Variants in SDCCAG8 observed in about 807,000 individuals in gnomAD.
SDCCAG8 encodes the protein serologically defined colon cancer antigen 8.
In SDCCAG8, 74 loss-of-function variants were observed where a neutral mutation model predicts 101.8. The ratio of observed to expected loss-of-function variants is 0.73; its 90% CI spans 0.60 to 0.88. The LOEUF (loss-of-function observed/expected upper bound fraction) is 0.88. SDCCAG8 is among the 40% of genes least tolerant of loss of function. The probability of loss-of-function intolerance (pLI) is 0.00; values close to 1 mark genes in which losing one functional copy is unlikely to be tolerated. For missense variants in SDCCAG8, 787 were observed against 822.6 expected (o/e 0.96, Z 0.53); for synonymous variants, 281 against 292.9 (o/e 0.96, Z 0.41).
intron 1 of SDCCAG8, among the ~76,000 whole-genome samples, chr1:243,260,666 A>C (rs191207969): frequency 2.6e-5 from 4 of 152,178 alleles, no homozygotes; most frequent in Non-Finnish European, 5.9e-5. Flanking sequence ...TTTATCAACA[A>C]CACCTGTATA....
intron 16 of SDCCAG8, among the ~76,000 whole-genome samples, chr1:243,470,093 A>G (rs971996030): frequency 6.6e-6 from 1 of 152,130 alleles, no homozygotes; most frequent in Non-Finnish European, 1.5e-5. Context: ...GGTTAACAAC[A>G]CAAGGTCTAA....
intron 12 of SDCCAG8, among the ~76,000 whole-genome samples, chr1:243,372,816 G>A (rs1365833309): frequency 2.0e-5 from 3 of 151,028 alleles, no homozygotes; most frequent in East Asian, 1.9e-4. Context: ...GCCATATAGC[G>A]AGACTTTGTC....
At chr1:243,341,231 G>A (rs759706105) in intron 11 of SDCCAG8, 58 bp downstream of exon 11, 6 of 1,589,932 alleles carry the variant, frequency 3.8e-6, no homozygotes, top group Non-Finnish European at 5.2e-6. Context: ...TTTGAAAAAT[G>A]TTTTCCTAAT....
At chr1:243,326,275 C>T (rs1161968861) in intron 9 of SDCCAG8, among the ~76,000 whole-genome samples, 1 of 152,066 alleles carries the variant, frequency 6.6e-6, no homozygotes, top group African/African-American at 2.4e-5. Flanking sequence ...TTATGGGTTA[C>T]ATGTGATATT....
Position 243,401,605 on chromosome 1 carries a change from A to G in SDCCAG8, c.1617-14097A>G, listed in dbSNP as rs114997265. On this transcript the variant is annotated intron_variant, in intron 13 of 17. Coordinates refer to ENST00000366541, the MANE Select transcript of SDCCAG8 (RefSeq NM_006642.5). ...TTAGGAAGGAGTCTGTGACCCAGGT[A>G]CATAACTGAACATTTTAAAAATAAT... Among the ~76,000 whole-genome samples the G allele has an allele frequency of 6.0e-3, 911 of 152,354 alleles. 16 individuals carry two copies. Among genetic ancestry groups the G allele is most frequent in the African/African-American group, 0.02 (832 of 41,590 alleles).
chr1:243,344,179 CAGCAGGTAATCATCCAGTTT>C lies in SDCCAG8; in HGVS notation c.1357-35_1357-16del. 6.5e-7 allele frequency: 1 copy of C among 1,547,804 alleles called. No homozygotes were observed. The highest frequency in any genetic ancestry group is 8.9e-7 in the Non-Finnish European group (1 of 1,119,638). On this transcript the variant is annotated splice_polypyrimidine_tract_variant and intron_variant, in intron 11 of 17. Coordinates refer to ENST00000366541, the MANE Select transcript of SDCCAG8 (RefSeq NM_006642.5). ...ATTGCAGGCATTGCCTGGTAGATTC[CAGCAGGTAATCATCCAGTTT>C]TTTACAATCTAACAGGTGTGTGGAG...
chr1:243,313,991 GGGAC>G, intron 8 of SDCCAG8, among the ~76,000 whole-genome samples: 1 of 152,158 alleles, frequency 6.6e-6, no homozygotes, highest in Admixed American at 6.6e-5. Context: ...TTGAGGAGAG[GGGAC>G]TGCCAGCCCA....
chr1:243,309,987 C>T (rs1452323680), intron 8 of SDCCAG8, among the ~76,000 whole-genome samples: 1 of 152,102 alleles, frequency 6.6e-6, no homozygotes, highest in Non-Finnish European at 1.5e-5. Context: ...CCTCAGCCTC[C>T]CGAGTAGCTG....
At chr1:243,364,684 A>G (rs951010509) in intron 12 of SDCCAG8, among the ~76,000 whole-genome samples, 1 of 152,206 alleles carries the variant, frequency 6.6e-6, no homozygotes, top group Non-Finnish European at 1.5e-5. Context: ...GTTTCCTATA[A>G]AACAAAATCA....
intron 9 of SDCCAG8, chr1:243,318,110 T>C (rs1448603821): frequency 2.2e-6 from 1 of 456,052 alleles, no homozygotes; most frequent in African/African-American, 2.0e-5. Flanking sequence ...AATCTAAATG[T>C]TCATCACTGA....
chr1:243,363,979 C>T (rs183345130), intron 12 of SDCCAG8, among the ~76,000 whole-genome samples: 15 of 152,020 alleles, frequency 9.9e-5, no homozygotes, highest in African/African-American at 2.9e-4. Flanking sequence ...GAGTTAAAAC[C>T]AAGTTCAATA....
intron 13 of SDCCAG8, among the ~76,000 whole-genome samples, chr1:243,412,887 ATTTGAGGTTCCCT>A (rs2080282144): frequency 6.6e-6 from 1 of 151,920 alleles, no homozygotes; most frequent in Admixed American, 6.6e-5. Context: ...GATGAAACAC[ATTTGAGGTTCCCT>A]TTTAGTTCTA....
At chr1:243,388,698 CAAAA>C (rs11296139) in intron 13 of SDCCAG8, among the ~76,000 whole-genome samples, 5 of 134,326 alleles carry the variant, frequency 3.7e-5, no homozygotes, top group African/African-American at 5.6e-5. Flanking sequence ...CCAGCTCTAC[CAAAA>C]AAAAAAAAAA....
chr1:243,429,438 G>A (rs1337251449), intron 16 of SDCCAG8, among the ~76,000 whole-genome samples: 1 of 152,094 alleles, frequency 6.6e-6, no homozygotes, highest in Non-Finnish European at 1.5e-5. Context: ...GACTGTACAG[G>A]GGGTTGATGC....
At chr1:243,279,570 A>G (rs2068858775) in intron 4 of SDCCAG8, among the ~76,000 whole-genome samples, 1 of 152,266 alleles carries the variant, frequency 6.6e-6, no homozygotes, top group South Asian at 2.1e-4. Flanking sequence ...AAAAAATCAT[A>G]AGTCAAACCA....
chr1:243,415,564 G>C, intron 13 of SDCCAG8, 138 bp from the exon 14 acceptor site: 1 of 1,152,286 alleles, frequency 8.7e-7, no homozygotes, highest in Non-Finnish European at 1.3e-6. Context: ...TAAAGTGGGG[G>C]AGGGTCATTA....
At chr1:243,457,118 T>C (rs1473862054) in intron 16 of SDCCAG8, among the ~76,000 whole-genome samples, 1 of 152,230 alleles carries the variant, frequency 6.6e-6, no homozygotes, top group East Asian at 1.9e-4. Context: ...GATCTTTGAT[T>C]CTCTTTTGGT....
chr1:243,498,582 G>A (rs1668656572), intron 17 of SDCCAG8, among the ~76,000 whole-genome samples: 1 of 152,218 alleles, frequency 6.6e-6, no homozygotes, highest in Non-Finnish European at 1.5e-5. Context: ...GTTGTCCTCA[G>A]GGTCTCTCAC....
rs1662800823 is a variant in SDCCAG8, at chr1:243,478,213, G to A, written c.1986-10801G>A. On this transcript the variant is annotated intron_variant, in intron 16 of 17. Coordinates refer to ENST00000366541, the MANE Select transcript of SDCCAG8 (RefSeq NM_006642.5). ...CAAGTTTGACATGGAATAGAAGAAT[G>A]TCGGGCGTTTCAAAAAAGGATTTTG... Among the ~76,000 whole-genome samples, 4 of 152,188 alleles carry A rather than the reference G, an allele frequency of 2.6e-5. No individual in the cohort carries two copies. The South Asian group carries it at 8.3e-4, about 32-fold the overall frequency.
Sources: gnomAD v4.1 joint callset for allele counts (sites outside exome capture counted in the v4.1 genomes callset) on GRCh38, gnomAD v4.1.1 for gene constraint, MANE v1.5 for transcripts, NCBI Gene and HGNC (gene_info 2026-07-23, HGNC 2026-07-21) for gene names.